Variants in MEP1A observed in about 807,000 individuals in gnomAD.
MEP1A encodes the protein N-benzoyl-L-tyrosyl-P-amino-benzoic acid hydrolase subunit alpha.
In MEP1A, 68 loss-of-function variants were observed where a neutral mutation model predicts 84.5. The observed-to-expected ratio is 0.80, with a 90% CI of 0.66 to 0.98. The LOEUF is 0.98. Among genes scored for constraint, MEP1A ranks in the 50% least tolerant of loss-of-function variants. MEP1A has a pLI of 0.00. For synonymous variants in MEP1A, 337 were observed against 336.8 expected (o/e 1.00, Z -0.01); for missense variants, 887 against 919.9 (o/e 0.96, Z 0.46).
rs1171900904 is a variant in MEP1A, at chr6:46,825,451, A to G, written c.736A>G (p.Ser246Gly). Residue 246 changes from serine to glycine, a missense_variant, in exon 8 of 14, where the codon AGT becomes GGT. By Grantham distance (56) the Ser-to-Gly change is moderately conservative (BLOSUM62 0). Transcript: ENST00000230588. ...NSIIGQRLDF[S>G]AIDLERLNRM... is the part of the protein sequence containing the mutation. ...CATTATCGGACAGCGCCTGGATTTCAGTGCCATTGATTTAGAGAGGCTGAA... is the reference window on the plus strand; with the variant it reads ...CATTATCGGACAGCGCCTGGATTTCGGTGCCATTGATTTAGAGAGGCTGAA... The G allele has an allele frequency of 6.2e-6, 10 of 1,613,748 alleles. No individual in the cohort carries two copies. In the Admixed American group the frequency reaches 1.5e-4, roughly 24 times the overall value.
At chr6:46,808,940 G>A (rs1296620840) in intron 5 of MEP1A, among the ~76,000 whole-genome samples, 1 of 151,978 alleles carries the variant, frequency 6.6e-6, no homozygotes, top group Admixed American at 6.6e-5. Context: ...AAGAGAGAAT[G>A]TCTTTTTAGA....
At chr6:46,808,659 G>A (rs1357491729) in intron 5 of MEP1A, among the ~76,000 whole-genome samples, 2 of 152,018 alleles carry the variant, frequency 1.3e-5, no homozygotes, top group Non-Finnish European at 2.9e-5. Context: ...TGCATGCTAG[G>A]TGAAAGGAAA....
chr6:46,819,820 C>T, intron 7 of MEP1A, 116 bp downstream of exon 7: 1 of 1,120,852 alleles, frequency 8.9e-7, no homozygotes, highest in Middle Eastern at 2.7e-4. Context: ...AAGAAAGACT[C>T]TGAAGAGGTT....
chr6:46,821,893 A>T (rs1767785898), intron 7 of MEP1A, among the ~76,000 whole-genome samples: 1 of 152,210 alleles, frequency 6.6e-6, no homozygotes, highest in African/African-American at 2.4e-5. Context: ...AGAGACATCA[A>T]ATCCAATAAG....
intron 9 of MEP1A, among the ~76,000 whole-genome samples, chr6:46,826,814 A>G (rs185182299): frequency 6.6e-6 from 1 of 152,324 alleles, no homozygotes. Context: ...TCACATATGT[A>G]ATGTAGAATT....
intron 5 of MEP1A, among the ~76,000 whole-genome samples, chr6:46,801,760 T>C (rs912932391): frequency 6.6e-6 from 1 of 152,116 alleles, no homozygotes; most frequent in African/African-American, 2.4e-5. Context: ...TATAATTGAT[T>C]GCAAACTAAT....
intron 10 of MEP1A, 132 bp from the exon 11 acceptor site, chr6:46,832,942 C>A: frequency 3.6e-6 from 2 of 551,720 alleles, no homozygotes; most frequent in Non-Finnish European, 6.5e-6. Context: ...TATAACAGTA[C>A]CTATTTTATA....
In MEP1A at chr6:46,838,985, T is replaced by C. The variant is rs562198142; in HGVS notation, c.2090T>C (p.Ile697Thr). ...NVKGMASCRC[I>T]SGHAFFYTGE... Reference sequence around the variant, plus strand: ...TTCATGTCCTTTTCCCTCAGGTGCATCTCTGGACATGCTTTCTTCTACACG... The same window carrying C: ...TTCATGTCCTTTTCCCTCAGGTGCACCTCTGGACATGCTTTCTTCTACACG... The change falls in exon 14 of 14, where the codon ATC (isoleucine) becomes ACC (threonine). Residue 697 changes from isoleucine (I) to threonine (T), a missense_variant. By Grantham distance (89) the Ile-to-Thr change is moderately conservative (BLOSUM62 -1). Transcript: ENST00000230588. The C allele has an allele frequency of 1.2e-5, 20 of 1,612,298 alleles. No homozygotes were observed. In the South Asian group the frequency reaches 1.8e-4, roughly 14 times the overall value.
intron 3 of MEP1A, among the ~76,000 whole-genome samples, chr6:46,798,237 G>A (rs545741126): frequency 6.6e-5 from 10 of 152,138 alleles, no homozygotes; most frequent in African/African-American, 2.4e-4. Context: ...CAAAGTGCTG[G>A]GATTACAGGC....
At chr6:46,827,573 C>G (rs1375087750) in intron 9 of MEP1A, among the ~76,000 whole-genome samples, 1 of 152,152 alleles carries the variant, frequency 6.6e-6, no homozygotes, top group Non-Finnish European at 1.5e-5. Context: ...TGGTGAGATT[C>G]CCTTCCCAGA....
chr6:46,794,188 T>G (rs1269308623), intron 3 of MEP1A, among the ~76,000 whole-genome samples: 3 of 152,142 alleles, frequency 2.0e-5, no homozygotes, highest in Non-Finnish European at 4.4e-5. Flanking sequence ...ACAAATATAT[T>G]TCTTGAAGAA....
Position 46,799,181 on chromosome 6 carries a change from G to T in MEP1A, c.262G>T (p.Gly88Trp), listed in dbSNP as rs1371405932. The T allele has an allele frequency of 6.3e-7, 1 of 1,597,998 alleles. No individual in the cohort carries two copies. Among genetic ancestry groups the T allele is most frequent in the South Asian group, 1.1e-5 (1 of 90,780 alleles). ...TCCTTACATCTTGGCTGATAATTTG[G>T]GTAATATTAATTGTTCTTAATTAGG... ...PIPYILADNLGLNAKGAILYA... is the reference protein window; with the variant it reads ...PIPYILADNLWLNAKGAILYA... Residue 88 changes from glycine to tryptophan, a missense_variant and splice_region_variant, in exon 5 of 14, where the codon GGG becomes TGG. Coordinates refer to ENST00000230588, the MANE Select transcript of MEP1A (RefSeq NM_005588.3).
intron 6 of MEP1A, among the ~76,000 whole-genome samples, chr6:46,817,526 A>G (rs1486768614): frequency 6.6e-6 from 1 of 152,210 alleles, no homozygotes; most frequent in Non-Finnish European, 1.5e-5. Context: ...CTGACCTTCA[A>G]GGAAGTGCTA....
chr6:46,829,861 T>C (rs947232598), intron 10 of MEP1A, among the ~76,000 whole-genome samples: 3 of 151,948 alleles, frequency 2.0e-5, no homozygotes, highest in Non-Finnish European at 2.9e-5. Flanking sequence ...TCACTGGAAA[T>C]TTAGAGAAAG....
rs553868734 is a variant in MEP1A, at chr6:46,837,834, A to G, written c.2085-1146A>G. On this transcript the variant is annotated intron_variant, in intron 13 of 13. Transcript: ENST00000230588. ...TTTCTAAGAAGTCAATTCTCAGGAT[A>G]GAGATGAGGCCTTGGAAGGTAAAAT... Among the ~76,000 whole-genome samples the G allele has an allele frequency of 3.9e-5, 6 of 152,302 alleles. No homozygotes were observed. The South Asian group carries it at 1.2e-3, about 32-fold the overall frequency.
chr6:46,811,282 G>A (rs931752313), intron 6 of MEP1A, among the ~76,000 whole-genome samples: 2 of 151,982 alleles, frequency 1.3e-5, no homozygotes, highest in Non-Finnish European at 2.9e-5. Flanking sequence ...GGACACTGTT[G>A]GTGTTTAGCA....
intron 3 of MEP1A, among the ~76,000 whole-genome samples, chr6:46,798,074 T>G (rs1306946384): frequency 6.6e-6 from 1 of 151,792 alleles, no homozygotes; most frequent in Non-Finnish European, 1.5e-5. Context: ...TTCAAGCAAT[T>G]CTCCTGCCTC....
At chr6:46,816,478 G>A (rs1401970951) in intron 6 of MEP1A, among the ~76,000 whole-genome samples, 2 of 151,914 alleles carry the variant, frequency 1.3e-5, no homozygotes, top group East Asian at 3.9e-4. Context: ...GTGGGATGAA[G>A]CATCAGGGAG....
At chr6:46,807,909 T>A (rs999942263) in intron 5 of MEP1A, among the ~76,000 whole-genome samples, 1 of 152,048 alleles carries the variant, frequency 6.6e-6, no homozygotes, top group Non-Finnish European at 1.5e-5. Context: ...GTTGCCTTCA[T>A]GGAGAAGAGA....
Sources: gnomAD v4.1 joint callset for allele counts (sites outside exome capture counted in the v4.1 genomes callset) on GRCh38, gnomAD v4.1.1 for gene constraint, MANE v1.5 for transcripts, NCBI Gene and HGNC (gene_info 2026-07-23, HGNC 2026-07-21) for gene names.